SLC28A3: variants seen among roughly 807,000 people sequenced by gnomAD.
SLC28A3 encodes solute carrier family 28 member 3.
A neutral mutation model predicts 84.2 loss-of-function variants in SLC28A3; 68 were observed. The observed-to-expected ratio is 0.81, with a 90% CI of 0.66 to 0.99. The LOEUF (loss-of-function observed/expected upper bound fraction) is 0.99. SLC28A3 is among the 50% of genes least tolerant of loss of function. The probability of loss-of-function intolerance (pLI) is 0.00; values close to 1 mark genes in which losing one functional copy is unlikely to be tolerated. For missense variants in SLC28A3, 712 were observed against 841.5 expected, an observed-to-expected ratio of 0.85 and a Z score of 1.90; for synonymous variants, 267 against 303.6, an observed-to-expected ratio of 0.88 and a Z score of 1.25.
chr9:84,310,735 A>T (rs1197099399), intron 2 of SLC28A3: 1 of 384,924 alleles, frequency 2.6e-6, no homozygotes. Flanking sequence ...GGAACAAGGA[A>T]GGTGTGAGGA....
intron 1 of SLC28A3, among the ~76,000 whole-genome samples, chr9:84,330,163 G>GA (rs879881773): frequency 2.1e-3 from 319 of 149,148 alleles, no homozygotes; most frequent in Non-Finnish European, 3.3e-3. Flanking sequence ...TTACTTAAGG[G>GA]AAAAAAAAAG....
chr9:84,355,381 T>C, the SLC28A3 span, among the ~76,000 whole-genome samples: 1 of 151,942 alleles, frequency 6.6e-6, no homozygotes, highest in Non-Finnish European at 1.5e-5. Context: ...AAGATTACAA[T>C]GAGCTATGAT....
intron 1 of SLC28A3, among the ~76,000 whole-genome samples, chr9:84,323,411 A>G (rs1350900286): frequency 1.3e-5 from 2 of 149,692 alleles, no homozygotes; most frequent in African/African-American, 2.5e-5. Flanking sequence ...TGTCATTTTT[A>G]TGATTCAGTA....
intron 1 of SLC28A3, among the ~76,000 whole-genome samples, chr9:84,333,460 C>G (rs1015695758): frequency 2.0e-5 from 3 of 152,140 alleles, no homozygotes; most frequent in Non-Finnish European, 4.4e-5. Context: ...AATTTCCTTT[C>G]ATAGGCTTGT....
At chr9:84,287,691 G>C (rs1410415838) in intron 12 of SLC28A3, among the ~76,000 whole-genome samples, 1 of 151,846 alleles carries the variant, frequency 6.6e-6, no homozygotes, top group African/African-American at 2.4e-5. Context: ...GTGAGACCCT[G>C]TTTCTAAAAA....
At chr9:84,291,138 G>A in intron 10 of SLC28A3, among the ~76,000 whole-genome samples, 1 of 152,164 alleles carries the variant, frequency 6.6e-6, no homozygotes, top group Non-Finnish European at 1.5e-5. Context: ...TTGAATGTGT[G>A]GAGCCTCGAT....
chr9:84,324,169 C>G (rs1022351544), intron 1 of SLC28A3, among the ~76,000 whole-genome samples: 1 of 152,128 alleles, frequency 6.6e-6, no homozygotes, highest in East Asian at 1.9e-4. Context: ...GTAAATAGAC[C>G]GGTGCTCCCA....
intron 1 of SLC28A3, among the ~76,000 whole-genome samples, chr9:84,330,655 A>G (rs1826747776): frequency 6.6e-6 from 1 of 152,246 alleles, no homozygotes; most frequent in Non-Finnish European, 1.5e-5. Context: ...ACATTTTATG[A>G]AATCTAAAAA....
intron 1 of SLC28A3, among the ~76,000 whole-genome samples, chr9:84,318,943 A>G (rs1826267248): frequency 6.6e-6 from 1 of 152,228 alleles, no homozygotes; most frequent in Non-Finnish European, 1.5e-5. Context: ...AAGAAGCCAT[A>G]CAAATGATAA....
chr9:84,325,410 T>C (rs1003759184), intron 1 of SLC28A3, among the ~76,000 whole-genome samples: 1 of 152,200 alleles, frequency 6.6e-6, no homozygotes, highest in African/African-American at 2.4e-5. Context: ...ATCATAAAAG[T>C]ATATAAAATT....
upstream of SLC28A3, among the ~76,000 whole-genome samples, chr9:84,344,910 T>C (rs979217421): frequency 1.3e-5 from 2 of 152,138 alleles, no homozygotes; most frequent in African/African-American, 2.4e-5. Context: ...AACCAAGCTG[T>C]GCCCTGACCA....
At chr9:84,320,010 A>G (rs944228299) in intron 1 of SLC28A3, among the ~76,000 whole-genome samples, 1 of 77,808 alleles carries the variant, frequency 1.3e-5, no homozygotes, top group Non-Finnish European at 2.7e-5. Context: ...CTTTTTACTT[A>G]TGTTTACTCA....
chr9:84,304,065 G>A (rs1366138552), intron 4 of SLC28A3, among the ~76,000 whole-genome samples: 1 of 152,178 alleles, frequency 6.6e-6, no homozygotes, highest in African/African-American at 2.4e-5. Flanking sequence ...CTTTCCAAAT[G>A]TTTGAACCTC....
At chr9:84,348,051 T>C in the SLC28A3 span, among the ~76,000 whole-genome samples, 3 of 152,166 alleles carry the variant, frequency 2.0e-5, no homozygotes, top group African/African-American at 4.8e-5. Flanking sequence ...GGGCACTCTC[T>C]GGACCAAGTG....
At chr9:84,359,066 A>T in the SLC28A3 span, among the ~76,000 whole-genome samples, 226 of 152,294 alleles carry the variant, frequency 1.5e-3, 1 homozygote, top group African/African-American at 5.2e-3. Context: ...CGCCTCCTAA[A>T]GTGCTGGAAT....
intron 1 of SLC28A3, among the ~76,000 whole-genome samples, chr9:84,317,628 G>C (rs1248475882): frequency 2.6e-5 from 4 of 152,122 alleles, no homozygotes; most frequent in African/African-American, 9.7e-5. Context: ...TGTGCTAGGA[G>C]AGCCTTTCTT....
At chr9:84,310,833 C>T (rs11140507) in intron 2 of SLC28A3, among the ~76,000 whole-genome samples, 35,324 of 152,002 alleles carry the variant, frequency 0.23, 4,456 homozygotes, top group East Asian at 0.52. Context: ...CTATCTAATT[C>T]CCAGCTTAGC....
In SLC28A3 at chr9:84,280,092, G is replaced by A; in HGVS notation, c.1730-19C>T. On this transcript the variant is annotated intron_variant, in intron 15 of 17. Coordinates refer to ENST00000376238, the MANE Select transcript of SLC28A3 (RefSeq NM_001199633.2). The stretch of plus-strand genomic sequence containing the variant: ...ATGGATGCTGGGAAACATGGAAGGA[G>A]GGATGTGAGATCAATGTTGAAGTAC... 1 of 1,609,956 alleles carries A rather than the reference G, an allele frequency of 6.2e-7. No homozygotes were observed. The highest frequency in any genetic ancestry group is 1.1e-5 in the South Asian group (1 of 90,750).
chr9:84,287,900 T>C (rs771894691), intron 12 of SLC28A3, 148 bp downstream of exon 12: 10 of 1,102,280 alleles, frequency 9.1e-6, no homozygotes, highest in Non-Finnish European at 1.3e-5. Context: ...TAAGACTTTT[T>C]TCTGTGAAGT....
Sources: gnomAD v4.1 joint callset for allele counts (sites outside exome capture counted in the v4.1 genomes callset) on GRCh38, gnomAD v4.1.1 for gene constraint, MANE v1.5 for transcripts, NCBI Gene and HGNC (gene_info 2026-07-23, HGNC 2026-07-21) for gene names.